GABBR2: variants seen among roughly 807,000 people sequenced by gnomAD.
GABBR2 encodes G-protein coupled receptor 51.
In GABBR2, 23 loss-of-function variants were observed where a neutral mutation model predicts 105.6. That is an observed-to-expected ratio of 0.22 (90% CI 0.16 to 0.31). The LOEUF is 0.31. GABBR2 is among the 10% of genes least tolerant of loss of function. The pLI is 1.00. For missense variants in GABBR2, 734 were observed against 1,245.5 expected, an observed-to-expected ratio of 0.59 and a Z score of 6.18; for synonymous variants, 478 against 499.7, an observed-to-expected ratio of 0.96 and a Z score of 0.58.
chr9:98,444,431 A>G (rs1826085339), intron 7 of GABBR2, among the ~76,000 whole-genome samples: 1 of 152,140 alleles, frequency 6.6e-6, no homozygotes, highest in Non-Finnish European at 1.5e-5. Context: ...GGAGTGTACC[A>G]GGAACTGGGA....
chr9:98,380,378 G>T (rs73655417), intron 11 of GABBR2, among the ~76,000 whole-genome samples: 6 of 152,194 alleles, frequency 3.9e-5, no homozygotes, highest in African/African-American at 7.2e-5. Flanking sequence ...CTCCTCCCCC[G>T]CTCGAGCTGG....
Position 98,306,448 on chromosome 9 carries a change from C to G in GABBR2, c.2005-103G>C. On this transcript the variant is annotated intron_variant, in intron 14 of 18. Transcript: ENST00000259455. This position sits in a 1 kb window ranked among gnomAD's most constrained non-coding sequence, Gnocchi z 5.4. ...AGTGGAGGGTTACTCAGGAGGTGGG[C>G]TGCAGGGAGGGAGGGTCGGGGGCCT... 3.8e-5 allele frequency: 20 copies of G among 521,314 alleles called. No homozygotes were observed. Among genetic ancestry groups the G allele is most frequent in the East Asian group, 9.3e-5 (2 of 21,500 alleles). The allele number at this position is 521,314 out of a possible 1,614,324, so 32.3% of individuals were successfully genotyped here. A position where few individuals can be genotyped will look rare whatever the true frequency, so the allele number is the denominator to read the frequency against.
chr9:98,510,878 T>C (rs1033791470), intron 3 of GABBR2, among the ~76,000 whole-genome samples: 3 of 152,082 alleles, frequency 2.0e-5, no homozygotes, highest in African/African-American at 7.2e-5. Flanking sequence ...TACCCAGGAC[T>C]TGAACTCAGC....
chr9:98,606,835 C>A, intron 1 of GABBR2: 1 of 433,558 alleles, frequency 2.3e-6, no homozygotes, highest in Non-Finnish European at 4.3e-6. Flanking sequence ...ACAAACAGTG[C>A]GAGAGCCACT....
intron 13 of GABBR2, among the ~76,000 whole-genome samples, chr9:98,359,825 T>C (rs548362635): frequency 6.6e-5 from 10 of 152,170 alleles, no homozygotes; most frequent in Admixed American, 1.3e-4. Flanking sequence ...GGCCCTGTCC[T>C]GGAGAAGTTG....
At chr9:98,677,887 C>T (rs1314608004) in intron 1 of GABBR2, among the ~76,000 whole-genome samples, 1 of 152,162 alleles carries the variant, frequency 6.6e-6, no homozygotes, top group African/African-American at 2.4e-5. Context: ...CAGTTTCAAA[C>T]AGAAATCACT....
At chr9:98,648,120 G>GTGTGTGT (rs1564140811) in intron 1 of GABBR2, among the ~76,000 whole-genome samples, 12 of 39,902 alleles carry the variant, frequency 3.0e-4, no homozygotes, top group African/African-American at 1.1e-3. Context: ...TGTGTGTATA[G>GTGTGTGT]ATAGATAGAT....
intron 7 of GABBR2, among the ~76,000 whole-genome samples, chr9:98,443,438 GAGT>G (rs1826067893): frequency 6.6e-6 from 1 of 152,152 alleles, no homozygotes; most frequent in Admixed American, 6.5e-5. Context: ...ACAGCAGAAG[GAGT>G]AGGTTTCTTT....
At chr9:98,357,654 AACAG>A (rs910524421) in intron 13 of GABBR2, among the ~76,000 whole-genome samples, 3 of 143,404 alleles carry the variant, frequency 2.1e-5, no homozygotes, top group Non-Finnish European at 3.0e-5. Flanking sequence ...AACAAAACAA[AACAG>A]ACAAACAAAC....
intron 3 of GABBR2, among the ~76,000 whole-genome samples, chr9:98,535,137 T>C (rs1393261635): frequency 6.6e-6 from 1 of 152,150 alleles, no homozygotes; most frequent in African/African-American, 2.4e-5. Context: ...CTCACTCTGT[T>C]GCCAGGCTGA....
chr9:98,479,200 C>T (rs1299128475), intron 5 of GABBR2, among the ~76,000 whole-genome samples: 1 of 152,092 alleles, frequency 6.6e-6, no homozygotes, highest in Non-Finnish European at 1.5e-5. Flanking sequence ...TGGAATCTAC[C>T]CATAAAACTT....
chr9:98,692,615 T>C (rs1172234905), intron 1 of GABBR2, among the ~76,000 whole-genome samples: 2 of 152,172 alleles, frequency 1.3e-5, no homozygotes, highest in African/African-American at 2.4e-5. Flanking sequence ...GGCTGGACTG[T>C]AGCATGCCTG....
At chr9:98,365,051 G>A (rs1034836311) in intron 12 of GABBR2, among the ~76,000 whole-genome samples, 6 of 152,160 alleles carry the variant, frequency 3.9e-5, no homozygotes, top group African/African-American at 1.4e-4. Flanking sequence ...GCAGGGGGAG[G>A]GAGAGAGCAG....
intron 1 of GABBR2, among the ~76,000 whole-genome samples, chr9:98,672,031 C>T (rs895732817): frequency 2.0e-5 from 3 of 152,050 alleles, no homozygotes; most frequent in African/African-American, 7.2e-5. Flanking sequence ...ACCAAGAGAA[C>T]CCAGAAATAT....
chr9:98,385,112 G>A (rs1832047890), intron 11 of GABBR2, among the ~76,000 whole-genome samples: 3 of 152,144 alleles, frequency 2.0e-5, no homozygotes, highest in Admixed American at 2.0e-4. Context: ...CCTTGGCGCT[G>A]ATGCTTTTCT....
At chr9:98,380,949 T>C (rs931601392) in intron 11 of GABBR2, among the ~76,000 whole-genome samples, 1 of 152,238 alleles carries the variant, frequency 6.6e-6, no homozygotes, top group Non-Finnish European at 1.5e-5. Context: ...GCGGCATGTA[T>C]ATGGCAGCAG....
chr9:98,557,664 C>A (rs1828608837), intron 2 of GABBR2, among the ~76,000 whole-genome samples: 1 of 152,086 alleles, frequency 6.6e-6, no homozygotes, highest in Non-Finnish European at 1.5e-5. Context: ...GCTTTGTATC[C>A]CAGGGAGCAT....
intron 1 of GABBR2, among the ~76,000 whole-genome samples, chr9:98,628,970 G>T (rs1829782541): frequency 6.6e-6 from 1 of 152,204 alleles, no homozygotes; most frequent in South Asian, 2.1e-4. Flanking sequence ...TCAGAGAAGG[G>T]CTTGCCTTCT....
At chr9:98,551,382 G>A (rs1023511920) in intron 2 of GABBR2, among the ~76,000 whole-genome samples, 2 of 152,112 alleles carry the variant, frequency 1.3e-5, no homozygotes, top group Non-Finnish European at 2.9e-5. Context: ...CAGCCTCGGC[G>A]AGTGAAACAG....
Sources: gnomAD v4.1 joint callset for allele counts (sites outside exome capture counted in the v4.1 genomes callset) on GRCh38, gnomAD v4.1.1 for gene constraint, Gnocchi (gnomAD v3.1) non-coding constraint, MANE v1.5 for transcripts, NCBI Gene and HGNC (gene_info 2026-07-23, HGNC 2026-07-21) for gene names.